NBDY: variants seen among roughly 807,000 people sequenced by gnomAD.
NBDY encodes negative regulator of P-body association.
At chrX:56,803,824 A>C (rs2069836078) in intron 2 of NBDY, among the ~76,000 whole-genome samples, 1 of 112,103 alleles carries the variant, frequency 8.9e-6, no homozygotes, top group South Asian at 3.7e-4. Context: ...CAAAACAAAA[A>C]GAAAAGAAAG....
intron 2 of NBDY, among the ~76,000 whole-genome samples, chrX:56,793,040 G>A (rs2069772584): frequency 8.9e-6 from 1 of 111,781 alleles, no homozygotes; most frequent in Non-Finnish European, 1.9e-5. Flanking sequence ...CCCCGCCTGT[G>A]TAAAAGCCAA....
At chrX:56,760,549 G>T (rs1159963917) in intron 2 of NBDY, among the ~76,000 whole-genome samples, 1 of 111,815 alleles carries the variant, frequency 8.9e-6, no homozygotes, top group Non-Finnish European at 1.9e-5. Context: ...GCTGGGCGTG[G>T]TGGCACATGC....
At chrX:56,806,648 C>T (rs925815562) in intron 2 of NBDY, among the ~76,000 whole-genome samples, 1 of 111,978 alleles carries the variant, frequency 8.9e-6, no homozygotes, top group African/African-American at 3.3e-5. Flanking sequence ...ATCTTTCGCC[C>T]ACTTTTTGAT....
At chrX:56,793,857 A>G (rs1239993133) in intron 2 of NBDY, among the ~76,000 whole-genome samples, 3 of 111,405 alleles carry the variant, frequency 2.7e-5, no homozygotes, top group African/African-American at 9.8e-5. Flanking sequence ...GTCTCCAGGA[A>G]CTGCCAGGCA....
At chrX:56,739,272 A>G (rs865947941) in intron 2 of NBDY, among the ~76,000 whole-genome samples, 2 of 67,172 alleles carry the variant, frequency 3.0e-5, no homozygotes, top group African/African-American at 1.2e-4. Flanking sequence ...ATGTATGTAT[A>G]TATATATATT....
intron 2 of NBDY, among the ~76,000 whole-genome samples, chrX:56,788,988 G>A (rs905263363): frequency 4.4e-5 from 5 of 112,590 alleles, no homozygotes; most frequent in African/African-American, 1.3e-4. Context: ...GGCAGAAGGC[G>A]AGTGTCCCTG....
chrX:56,787,206 A>G (rs2069734004), intron 2 of NBDY, among the ~76,000 whole-genome samples: 1 of 110,936 alleles, frequency 9.0e-6, no homozygotes, highest in African/African-American at 3.3e-5. Flanking sequence ...GCACGCACTC[A>G]CAAGGGAACA....
At chrX:56,813,939 C>T (rs1279010489) in intron 2 of NBDY, among the ~76,000 whole-genome samples, 1 of 111,756 alleles carries the variant, frequency 8.9e-6, no homozygotes, top group Non-Finnish European at 1.9e-5. Context: ...ATTGTCATTG[C>T]TTCTTCTCAG....
intron 2 of NBDY, among the ~76,000 whole-genome samples, chrX:56,784,934 T>C (rs1219018071): frequency 8.9e-6 from 1 of 112,483 alleles, no homozygotes; most frequent in African/African-American, 3.2e-5. Context: ...GGCAGCAGCA[T>C]GGAACACACA....
intron 2 of NBDY, among the ~76,000 whole-genome samples, chrX:56,788,615 C>T (rs1438051359): frequency 9.6e-6 from 1 of 104,350 alleles, no homozygotes; most frequent in Non-Finnish European, 2.0e-5. Context: ...CCCGTAGCTC[C>T]TTTTTTTTTT....
At chrX:56,749,678 G>T (rs1401749718) in intron 2 of NBDY, among the ~76,000 whole-genome samples, 7 of 102,958 alleles carry the variant, frequency 6.8e-5, no homozygotes, top group Non-Finnish European at 1.4e-4. Context: ...TTGAGACAGG[G>T]TCTCACTCTG....
chrX:56,735,183 C>T (rs1302911929), intron 2 of NBDY, among the ~76,000 whole-genome samples: 3 of 112,266 alleles, frequency 2.7e-5, no homozygotes, highest in African/African-American at 6.5e-5. Flanking sequence ...AACAAATTCT[C>T]ACCTTTTCAC....
At chrX:56,761,047 G>C (rs1356626895) in intron 2 of NBDY, among the ~76,000 whole-genome samples, 9 of 112,392 alleles carry the variant, frequency 8.0e-5, no homozygotes, top group Non-Finnish European at 1.7e-4. Context: ...GAAAAAGCAG[G>C]AAGATAAGAA....
intron 2 of NBDY, among the ~76,000 whole-genome samples, chrX:56,806,688 A>C (rs2069852545): frequency 9.0e-6 from 1 of 111,554 alleles, no homozygotes; most frequent in Non-Finnish European, 1.9e-5. Context: ...AAATTGGTTT[A>C]AGTTCTTTGT....
chrX:56,749,744 C>T (rs981316553), intron 2 of NBDY, among the ~76,000 whole-genome samples: 5 of 109,143 alleles, frequency 4.6e-5, no homozygotes, highest in East Asian at 5.8e-4. Flanking sequence ...CTCGACCTCC[C>T]GGGTTCAAGC....
chrX:56,747,510 G>A (rs1013169531), intron 2 of NBDY, among the ~76,000 whole-genome samples: 2 of 111,627 alleles, frequency 1.8e-5, no homozygotes, highest in South Asian at 3.7e-4. Context: ...GAGGTGAGAT[G>A]TATGGTAGGT....
chrX:56,807,800 C>A (rs749038218), intron 2 of NBDY, among the ~76,000 whole-genome samples: 1 of 111,729 alleles, frequency 9.0e-6, no homozygotes, highest in Admixed American at 9.5e-5. Context: ...AATTGAATAC[C>A]CTTTATTTCT....
intron 2 of NBDY, among the ~76,000 whole-genome samples, chrX:56,782,982 G>GAC (rs764680468): frequency 2.1e-4 from 23 of 110,909 alleles, no homozygotes; most frequent in South Asian, 3.7e-4. Flanking sequence ...GATACACACA[G>GAC]ACACACACAC....
At chrX:56,754,888 C>A (rs1423923294) in intron 2 of NBDY, among the ~76,000 whole-genome samples, 2 of 111,452 alleles carry the variant, frequency 1.8e-5, no homozygotes, top group Non-Finnish European at 3.8e-5. Flanking sequence ...AAGGGAAAAA[C>A]AAACCAAAAG....
Sources: gnomAD v4.1 joint callset for allele counts (sites outside exome capture counted in the v4.1 genomes callset) on GRCh38, gnomAD v4.1.1 for gene constraint, MANE v1.5 for transcripts, NCBI Gene and HGNC (gene_info 2026-07-23, HGNC 2026-07-21) for gene names.